The following ESYT2 variants were observed in gnomAD, a reference collection of about 807,000 sequenced individuals.
ESYT2 encodes the protein extended synaptotagmin 2.
A neutral mutation model predicts 107.2 loss-of-function variants in ESYT2; 54 were observed. The observed-to-expected ratio is 0.50, with a 90% CI of 0.40 to 0.63. The LOEUF (loss-of-function observed/expected upper bound fraction) is 0.63. ESYT2 is among the 30% of genes least tolerant of loss of function. The pLI is 0.00. For missense variants in ESYT2, 1,020 were observed against 1,094.5 expected, an observed-to-expected ratio of 0.93 and a Z score of 0.96; for synonymous variants, 491 against 434.1, an observed-to-expected ratio of 1.13 and a Z score of -1.63.
At position 158,763,132 on chromosome 7, in the gene ESYT2, C is replaced by G; in HGVS notation, c.1135G>C (p.Glu379Gln). The part of the protein sequence containing the change: ...LVYEHPGQEL[E>Q]IELFDEDPDK... ...GGGTCTTCATCAAAGAGCTCAATCT[C>G]TAATTCTTGTCCAGGATGTTCATAC... The change falls in exon 10 of 23, where the codon GAG (glutamate) becomes CAG (glutamine). Residue 379 changes from glutamate (E) to glutamine (Q), a missense_variant. Coordinates refer to ENST00000275418, the MANE Select transcript of ESYT2 (RefSeq NM_001367773.1). 1.9e-6 allele frequency: 3 copies of G among 1,613,234 alleles called. No homozygotes were observed. The highest frequency in any genetic ancestry group is 2.5e-6 in the Non-Finnish European group (3 of 1,179,518).
intron 1 of ESYT2, among the ~76,000 whole-genome samples, chr7:158,807,228 G>A (rs1329744059): frequency 7.2e-6 from 1 of 138,342 alleles, no homozygotes; most frequent in Non-Finnish European, 1.5e-5. Context: ...TCCAGCCTGG[G>A]CGACAGAGCA....
chr7:158,783,526 C>G (rs1234287111), intron 6 of ESYT2, among the ~76,000 whole-genome samples: 1 of 152,188 alleles, frequency 6.6e-6, no homozygotes, highest in Non-Finnish European at 1.5e-5. Flanking sequence ...TTCTAAGTCC[C>G]AGGACTTCTG....
rs1380434805 is a variant in ESYT2, at chr7:158,799,091, CAT to C, written c.331-21_331-20del. ...AATGAACCTAGGAGGAAAATACACACATATGACTTATTAACTCCCAACAACTG... is the reference window on the plus strand; with the variant it reads ...AATGAACCTAGGAGGAAAATACACACATGACTTATTAACTCCCAACAACTG... On this transcript the variant is annotated intron_variant, in intron 1 of 22. Transcript: ENST00000275418. 1.6e-5 allele frequency: 26 copies of C among 1,609,430 alleles called. No individual in the cohort carries two copies. Among genetic ancestry groups the C allele is most frequent in the African/African-American group, 2.7e-5 (2 of 74,792 alleles).
intron 14 of ESYT2, among the ~76,000 whole-genome samples, chr7:158,751,130 G>A (rs1346691552): frequency 2.0e-5 from 3 of 151,930 alleles, no homozygotes; most frequent in Admixed American, 1.3e-4. Context: ...ATCTTAAATC[G>A]ATAATATATA....
Position 158,764,661 on chromosome 7 carries a change from A to G in ESYT2, c.1101+16T>C. On this transcript the variant is annotated intron_variant, in intron 9 of 22. Transcript: ENST00000275418. ...CAGCCCACCACCCCAGCAACACAGC[A>G]GACACGACACCCCACCTCATAGACT... The G allele has an allele frequency of 6.2e-7, 1 of 1,611,980 alleles. No individual in the cohort carries two copies. Among genetic ancestry groups the G allele is most frequent in the Non-Finnish European group, 8.5e-7 (1 of 1,178,736 alleles).
intron 6 of ESYT2, among the ~76,000 whole-genome samples, chr7:158,779,394 GA>G (rs1301690616): frequency 6.6e-6 from 1 of 151,840 alleles, no homozygotes; most frequent in Non-Finnish European, 1.5e-5. Flanking sequence ...TCCATCTCAA[GA>G]AAAAAAGAAG....
At chr7:158,784,153 T>C (rs368105245) in intron 6 of ESYT2, among the ~76,000 whole-genome samples, 1 of 152,020 alleles carries the variant, frequency 6.6e-6, no homozygotes, top group Non-Finnish European at 1.5e-5. Context: ...CTACTGGGGG[T>C]GGGCAAGACT....
intron 19 of ESYT2, among the ~76,000 whole-genome samples, chr7:158,737,480 T>A (rs557059906): frequency 5.9e-5 from 9 of 152,232 alleles, no homozygotes; most frequent in Admixed American, 3.3e-4. Context: ...TGTCTTTCCA[T>A]AATGCTTCTG....
intron 6 of ESYT2, among the ~76,000 whole-genome samples, chr7:158,787,793 A>AT (rs1210426055): frequency 6.6e-6 from 1 of 152,190 alleles, no homozygotes; most frequent in African/African-American, 2.4e-5. Context: ...TTTTTGTAAC[A>AT]TTTTTATAAT....
chr7:158,735,376 T>C, intron 21 of ESYT2, 127 bp downstream of exon 21: 1 of 692,592 alleles, frequency 1.4e-6, no homozygotes, highest in South Asian at 1.9e-5. Context: ...CCATGATTTA[T>C]AAACAAGCAT....
chr7:158,815,386 C>T (rs953585834), intron 1 of ESYT2, among the ~76,000 whole-genome samples: 3 of 152,290 alleles, frequency 2.0e-5, no homozygotes, highest in East Asian at 3.9e-4. Context: ...ATCATTTCTA[C>T]ACCCTGGGGT....
chr7:158,759,355 C>G, intron 13 of ESYT2, 131 bp downstream of exon 13: 1 of 660,514 alleles, frequency 1.5e-6, no homozygotes, highest in South Asian at 2.2e-5. Flanking sequence ...CACTCTCCTG[C>G]ACTTGGACGT....
At chr7:158,744,126 T>C (rs1837319249) in intron 16 of ESYT2, 1 of 154,080 alleles carries the variant, frequency 6.5e-6, no homozygotes, top group African/African-American at 2.4e-5. Flanking sequence ...AAGAAAGATA[T>C]TTTTAAAAAC....
At chr7:158,734,344 G>T in intron 22 of ESYT2, 78 bp downstream of exon 22, 2 of 1,611,280 alleles carry the variant, frequency 1.2e-6, no homozygotes, top group Non-Finnish European at 1.7e-6. Context: ...CACTGTCTGT[G>T]GGGGACACTA....
At chr7:158,741,468 G>A in intron 18 of ESYT2, 55 bp downstream of exon 18, 1 of 1,385,076 alleles carries the variant, frequency 7.2e-7, no homozygotes, top group Non-Finnish European at 9.3e-7. Context: ...CCCCCAGCGT[G>A]GGGTGGGGGG....
intron 17 of ESYT2, 132 bp downstream of exon 17, chr7:158,743,397 G>T: frequency 8.8e-7 from 1 of 1,135,626 alleles, no homozygotes. Flanking sequence ...CTGCACCGGC[G>T]CCCTCCTGCG....
At chr7:158,785,317 CT>C (rs1039162773) in intron 6 of ESYT2, among the ~76,000 whole-genome samples, 3 of 151,980 alleles carry the variant, frequency 2.0e-5, no homozygotes, top group Non-Finnish European at 4.4e-5. Context: ...CTCAGCTGCT[CT>C]GGAGGCTGAG....
intron 6 of ESYT2, among the ~76,000 whole-genome samples, chr7:158,779,150 C>T (rs1838680733): frequency 6.6e-6 from 1 of 152,150 alleles, no homozygotes; most frequent in Non-Finnish European, 1.5e-5. Flanking sequence ...TGAAAGATGG[C>T]TTCTTGCCTA....
chr7:158,776,232 G>A (rs1838558960), intron 6 of ESYT2, among the ~76,000 whole-genome samples: 1 of 152,192 alleles, frequency 6.6e-6, no homozygotes, highest in Non-Finnish European at 1.5e-5. Context: ...AGGGTCTTCA[G>A]AATGGGAAAT....
Sources: allele counts gnomAD v4.1 joint callset (sites outside exome capture counted in the v4.1 genomes callset), GRCh38; gene constraint gnomAD v4.1.1; transcripts MANE v1.5; gene names NCBI Gene and HGNC (gene_info 2026-07-23, HGNC 2026-07-21).